EPHA3: variants seen among roughly 807,000 people sequenced by gnomAD.
EPHA3 encodes EPH receptor A3.
A neutral mutation model predicts 107.1 loss-of-function variants in EPHA3; 42 were observed. The ratio of observed to expected loss-of-function variants is 0.39; its 90% CI spans 0.31 to 0.51. The LOEUF (loss-of-function observed/expected upper bound fraction) is 0.51, where lower values mean the gene tolerates loss of function less well. EPHA3 is among the 20% of genes least tolerant of loss of function. The probability of loss-of-function intolerance (pLI) is 0.78; values close to 1 mark genes in which losing one functional copy is unlikely to be tolerated. For synonymous variants in EPHA3, 461 were observed against 424.8 expected (o/e 1.09, Z -1.05); for missense variants, 1,183 against 1,211.2 (o/e 0.98, Z 0.35).
At chr3:89,353,770 A>G (rs1707884779) in intron 5 of EPHA3, among the ~76,000 whole-genome samples, 1 of 151,404 alleles carries the variant, frequency 6.6e-6, no homozygotes, top group African/African-American at 2.4e-5. Context: ...TTGTCCTGAC[A>G]GTTATTCAAA....
rs553970896 is a variant in EPHA3, at chr3:89,234,980, C to T, written c.814+24460C>T. 1.3e-3 allele frequency among the ~76,000 whole-genome samples: 183 copies of T among 145,120 alleles called. 5 individuals are homozygous for T. Among genetic ancestry groups the T allele is most frequent in the Middle Eastern group, 3.6e-3 (1 of 278 alleles). ...CTTTCCCTTCCTCCTTCCTTCCTTC[C>T]CTCCTCCTTTCTTTTTTCTCTTTTC... On this transcript the variant is annotated intron_variant, in intron 3 of 16. Coordinates refer to ENST00000336596, the MANE Select transcript of EPHA3 (RefSeq NM_005233.6).
chr3:89,240,318 C>T (rs868485517), intron 3 of EPHA3, among the ~76,000 whole-genome samples: 4 of 151,870 alleles, frequency 2.6e-5, no homozygotes, highest in Non-Finnish European at 4.4e-5. Flanking sequence ...ACTATTTTAT[C>T]GGGAAAAAGC....
intron 2 of EPHA3, among the ~76,000 whole-genome samples, chr3:89,166,534 G>A (rs1273647860): frequency 2.6e-5 from 4 of 152,036 alleles, no homozygotes; most frequent in East Asian, 1.9e-4. Context: ...TCATTCAAAC[G>A]TATAAAAACA....
chr3:89,175,308 A>C (rs1294305608), intron 2 of EPHA3, among the ~76,000 whole-genome samples: 4 of 152,070 alleles, frequency 2.6e-5, no homozygotes, highest in African/African-American at 9.7e-5. Context: ...AAACCACTTT[A>C]AGTTGGAAAA....
chr3:89,270,087 T>C (rs973076850), intron 3 of EPHA3, among the ~76,000 whole-genome samples: 1 of 151,914 alleles, frequency 6.6e-6, no homozygotes, highest in Non-Finnish European at 1.5e-5. Flanking sequence ...AGGTAGTATA[T>C]CTTCTGTGAA....
intron 2 of EPHA3, among the ~76,000 whole-genome samples, chr3:89,137,136 A>C (rs1704331522): frequency 1.3e-5 from 2 of 151,982 alleles, no homozygotes; most frequent in South Asian, 4.1e-4. Flanking sequence ...GGCAGACTGA[A>C]TAGGTTTGTG....
At chr3:89,431,930 A>G (rs1266797951) in intron 13 of EPHA3, among the ~76,000 whole-genome samples, 2 of 152,184 alleles carry the variant, frequency 1.3e-5, no homozygotes, top group African/African-American at 4.8e-5. Flanking sequence ...ACAATTATTC[A>G]TAATACAATT....
chr3:89,167,954 A>G (rs1190997107), intron 2 of EPHA3, among the ~76,000 whole-genome samples: 5 of 152,158 alleles, frequency 3.3e-5, no homozygotes, highest in African/African-American at 1.2e-4. Flanking sequence ...ACATACATAT[A>G]TGTACATATA....
chr3:89,479,257 C>T, intron 16 of EPHA3, 140 bp from the exon 17 acceptor site: 1 of 687,850 alleles, frequency 1.5e-6, no homozygotes, highest in African/African-American at 1.8e-5. Context: ...ACGGTCCGGA[C>T]ATAACACAGA....
chr3:89,157,563 G>A (rs1704834265), intron 2 of EPHA3, among the ~76,000 whole-genome samples: 1 of 151,968 alleles, frequency 6.6e-6, no homozygotes, highest in African/African-American at 2.4e-5. Flanking sequence ...TAAGTTTACA[G>A]TTATCTAAAT....
intron 2 of EPHA3, among the ~76,000 whole-genome samples, chr3:89,201,494 A>G (rs1392424165): frequency 6.6e-6 from 1 of 152,248 alleles, no homozygotes; most frequent in African/African-American, 2.4e-5. Context: ...GCACTCCACA[A>G]GCCACCATAT....
Position 89,248,878 on chromosome 3 carries a change from A to T in EPHA3, c.814+38358A>T, listed in dbSNP as rs139441082. The stretch of plus-strand genomic sequence containing the variant: ...AAAACCATGTGCACAGGTCCATAAC[A>T]CACAGCATACTTCAAATTCTTCTGA... On this transcript the variant is annotated intron_variant, in intron 3 of 16. Coordinates refer to ENST00000336596, the MANE Select transcript of EPHA3 (RefSeq NM_005233.6). Among the ~76,000 whole-genome samples the T allele has an allele frequency of 4.9e-3, 747 of 152,346 alleles. 4 individuals carry two copies. Among genetic ancestry groups the T allele is most frequent in the Non-Finnish European group, 6.9e-3 (471 of 68,022 alleles).
At chr3:89,109,788 C>T (rs1210319920) in intron 1 of EPHA3, among the ~76,000 whole-genome samples, 1 of 151,978 alleles carries the variant, frequency 6.6e-6, no homozygotes, top group African/African-American at 2.4e-5. Context: ...AGAAAGCTGA[C>T]ATAATTGCAT....
rs200234123 is a variant in EPHA3 at position 89,413,116 on chromosome 3, C to T, written c.1763-25C>T. ...GTTTGTACAAATCTAGCTACAATTGCGCCTTTCTTTCTTTCCTCAAACAGT... is the reference window on the plus strand; with the variant it reads ...GTTTGTACAAATCTAGCTACAATTGTGCCTTTCTTTCTTTCCTCAAACAGT... On this transcript the variant is annotated intron_variant, in intron 9 of 16. Transcript: ENST00000336596. 728 of 1,609,284 alleles carry T rather than the reference C, an allele frequency of 4.5e-4. 3 individuals are homozygous for T. The African/African-American group carries it at 7.9e-3, about 17-fold the overall frequency.
chr3:89,439,984 T>C (rs1576379071), intron 13 of EPHA3, among the ~76,000 whole-genome samples: 2 of 152,304 alleles, frequency 1.3e-5, no homozygotes, highest in South Asian at 4.1e-4. Flanking sequence ...TCACATGATG[T>C]TGAAAGATCT....
intron 5 of EPHA3, among the ~76,000 whole-genome samples, chr3:89,356,177 G>A (rs1559661953): frequency 6.6e-6 from 1 of 150,712 alleles, no homozygotes. Flanking sequence ...CATTTTTTAT[G>A]GCTGCATAGT....
chr3:89,258,230 G>GGGA (rs1217377443), intron 3 of EPHA3, among the ~76,000 whole-genome samples: 11 of 152,170 alleles, frequency 7.2e-5, no homozygotes, highest in Non-Finnish European at 1.5e-4. Flanking sequence ...AAAAACAGGG[G>GGGA]GCCATGGGGG....
At chr3:89,355,283 C>T (rs1209290640) in intron 5 of EPHA3, among the ~76,000 whole-genome samples, 2 of 151,132 alleles carry the variant, frequency 1.3e-5, no homozygotes, top group African/African-American at 4.8e-5. Context: ...AGAACTATTG[C>T]TTTATCTTTC....
intron 2 of EPHA3, among the ~76,000 whole-genome samples, chr3:89,157,766 G>C (rs1166202140): frequency 1.3e-5 from 2 of 151,474 alleles, no homozygotes; most frequent in East Asian, 3.9e-4. Context: ...GCAGCAGTAA[G>C]TAAAAGAGAA....
Sources: allele counts gnomAD v4.1 joint callset (sites outside exome capture counted in the v4.1 genomes callset), GRCh38; gene constraint gnomAD v4.1.1; transcripts MANE v1.5; gene names NCBI Gene and HGNC (gene_info 2026-07-23, HGNC 2026-07-21).